ECI2: variants seen among roughly 807,000 people sequenced by gnomAD.
ECI2 encodes enoyl-CoA delta isomerase 2, also known as D3,D2-enoyl-CoA isomerase.
Under a neutral mutation model 38.4 loss-of-function variants are expected in ECI2, and 27 were observed. The ratio of observed to expected loss-of-function variants is 0.70; its 90% CI spans 0.52 to 0.97. The LOEUF is 0.97. Among genes scored for constraint, ECI2 ranks in the 50% least tolerant of loss-of-function variants. The pLI is 0.00. For missense variants in ECI2, 470 were observed against 474.4 expected (o/e 0.99, Z 0.09); for synonymous variants, 168 against 172.0 (o/e 0.98, Z 0.18).
Position 4,130,546 on chromosome 6 carries a change from CT to C in ECI2, c.326del (p.Gln109ArgfsTer10). On this transcript the variant is annotated frameshift_variant, in exon 4 of 10. Coordinates refer to ENST00000380118, the MANE Select transcript of ECI2 (RefSeq NM_206836.3). LOFTEE classifies it high-confidence loss of function. ...LGSLPKEAARQNYVDLVSSLS... is the reference protein window; with the variant it reads ...LGSLPKEAARXNYVDLVSSLS... The stretch of plus-strand genomic sequence containing the variant: ...AACTGGACACCAAATCCACATAGTT[CT>C]GCCTGGCAGCTTCCTGAACGGACGA... The C allele has an allele frequency of 1.2e-6, 2 of 1,614,224 alleles. No individual in the cohort carries two copies.
chr6:4,127,404 CTTTTTTTTTTTTTTTTT>C (rs71001567), intron 5 of ECI2, among the ~76,000 whole-genome samples: 1 of 75,892 alleles, frequency 1.3e-5, no homozygotes, highest in Non-Finnish European at 2.5e-5. Flanking sequence ...ATCTTAGAGC[CTTTTTTTTTTTTTTTTT>C]TTTTTTTTTT....
intron 4 of ECI2, chr6:4,130,052 A>G: frequency 6.8e-7 from 1 of 1,480,906 alleles, no homozygotes; most frequent in South Asian, 1.1e-5. Flanking sequence ...TTCTGGGAGC[A>G]GTCTACACCA....
chr6:4,131,047 G>GA (rs1208033598), intron 2 of ECI2, 182 bp from the exon 3 acceptor site: 15 of 500,370 alleles, frequency 3.0e-5, no homozygotes, highest in African/African-American at 2.8e-4. Flanking sequence ...TGCACAAACA[G>GA]AAAAAAGACT....
At chr6:4,122,284 A>G (rs1561651678) in intron 7 of ECI2, among the ~76,000 whole-genome samples, 1 of 149,456 alleles carries the variant, frequency 6.7e-6, no homozygotes, top group Non-Finnish European at 1.5e-5. Context: ...GCAGTGGCGC[A>G]ATCTCAACTC....
rs371171449 is a variant in ECI2, at chr6:4,115,917, G to A, written c.1142C>T (p.Thr381Ile). Residue 381 changes from threonine to isoleucine, a missense_variant, in exon 10 of 10, where the codon ACA (threonine) becomes ATA (isoleucine). Physicochemically the swap from Thr to Ile is moderately conservative, Grantham distance 89. Transcript: ENST00000380118. ...GGATAAGAAGTTCACCACAGCATTTGTGCATTCATCTGATAGCCATCTTCC... is the reference window on the plus strand; with the variant it reads ...GGATAAGAAGTTCACCACAGCATTTATGCATTCATCTGATAGCCATCTTCC... ...LQGRWLSDEC[T>I]NAVVNFLSRK... 8 of 1,613,984 alleles carry A rather than the reference G, an allele frequency of 5.0e-6. No individual in the cohort carries two copies. Among genetic ancestry groups the A allele is most frequent in the Non-Finnish European group, 6.8e-6 (8 of 1,180,034 alleles).
chr6:4,128,461 T>C (rs190572152), intron 4 of ECI2, among the ~76,000 whole-genome samples: 1 of 152,218 alleles, frequency 6.6e-6, no homozygotes, highest in Admixed American at 6.5e-5. Flanking sequence ...TTAAAACAGG[T>C]GCAATTTCAA....
rs1582000555 is a variant in ECI2 at position 4,135,565 on chromosome 6, T to C, written c.-5A>G. The C allele has an allele frequency of 7.9e-7, 1 of 1,259,428 alleles. No homozygotes were observed. The highest frequency in any genetic ancestry group is 1.1e-6 in the Non-Finnish European group (1 of 945,618). The allele number at this position is 1,259,428 out of a possible 1,614,324, so 78.0% of individuals were successfully genotyped here. A position where few individuals can be genotyped will look rare whatever the true frequency, so the allele number is the denominator to read the frequency against. On this transcript the variant is annotated 5_prime_UTR_variant, in exon 1 of 10. Transcript: ENST00000380118. ...AGCCAAGTACGCCATCGCCATCCCT[T>C]GGGCGGCTCTAGGGCTGCGGGGGCT...
At chr6:4,135,304 A>C in intron 1 of ECI2, 1 of 1,419,596 alleles carries the variant, frequency 7.0e-7, no homozygotes. Context: ...CGACGCGCCC[A>C]TCCTGACCAC....
intron 7 of ECI2, chr6:4,124,834 T>C (rs923489469): frequency 1.1e-5 from 3 of 278,954 alleles, no homozygotes; most frequent in Admixed American, 4.3e-5. Flanking sequence ...GGAGTGACAG[T>C]AGATAATGCT....
chr6:4,129,206 C>T (rs900018769), intron 4 of ECI2, among the ~76,000 whole-genome samples: 1 of 151,972 alleles, frequency 6.6e-6, no homozygotes. Context: ...TCCACCTCCC[C>T]GGTTCAAAAG....
intron 7 of ECI2, chr6:4,121,823 G>A (rs968022754): frequency 7.7e-6 from 3 of 390,872 alleles, no homozygotes; most frequent in Non-Finnish European, 1.4e-5. Flanking sequence ...CAGACACGCT[G>A]TTGTTTTTAC....
chr6:4,133,407 T>C lies in ECI2; in HGVS notation c.213+142A>G, dbSNP rs573962539. ...AATATAAAAAACTGGCATATATATA[T>C]ATACACACACACACTCTTCAGAGAA... On this transcript the variant is annotated intron_variant, in intron 2 of 9. Coordinates refer to ENST00000380118, the MANE Select transcript of ECI2 (RefSeq NM_206836.3). The C allele has an allele frequency of 2.0e-4, 181 of 909,806 alleles. 1 individual carries two copies. The South Asian group carries it at 2.7e-3, about 14-fold the overall frequency. 56.4% of individuals were successfully genotyped at this position (909,806 alleles called of 1,614,324 possible).
chr6:4,122,397 TTTTAGTAGA>T (rs1772859849), intron 7 of ECI2, among the ~76,000 whole-genome samples: 1 of 152,092 alleles, frequency 6.6e-6, no homozygotes, highest in Non-Finnish European at 1.5e-5. Context: ...ATTTTTGTAT[TTTTAGTAGA>T]GACGGGGCTT....
chr6:4,132,901 A>T (rs1471534292), intron 2 of ECI2, among the ~76,000 whole-genome samples: 1 of 152,100 alleles, frequency 6.6e-6, no homozygotes, highest in Non-Finnish European at 1.5e-5. Context: ...AGTAGCTGGG[A>T]TTACAGGTGT....
chr6:4,130,303 C>T, intron 4 of ECI2, 69 bp downstream of exon 4: 1 of 1,613,742 alleles, frequency 6.2e-7, no homozygotes, highest in Non-Finnish European at 8.5e-7. Flanking sequence ...TGAAACTCTA[C>T]AGCTTTTGTG....
At chr6:4,123,601 TG>T (rs1442776992) in intron 7 of ECI2, among the ~76,000 whole-genome samples, 4 of 151,072 alleles carry the variant, frequency 2.6e-5, no homozygotes, top group Non-Finnish European at 5.9e-5. Context: ...ATATGTATTA[TG>T]TATATATGTT....
Position 4,133,813 on chromosome 6 carries a change from G to T in ECI2, c.51-102C>A, listed in dbSNP as rs143447383. 3.4e-4 allele frequency: 461 copies of T among 1,355,784 alleles called. 3 individuals are homozygous for T. In the East Asian group the frequency reaches 9.9e-3, roughly 29 times the overall value. 84.0% of individuals were successfully genotyped at this position (1,355,784 alleles called of 1,614,324 possible). On this transcript the variant is annotated intron_variant, in intron 1 of 9. Coordinates refer to ENST00000380118, the MANE Select transcript of ECI2 (RefSeq NM_206836.3). The stretch of plus-strand genomic sequence containing the variant: ...CTATACATAACAAAATGCCATGTTT[G>T]TCTATAGATATTTTCTTTATACTTG...
In ECI2 at chr6:4,130,367, A is replaced by G. The variant is rs1581993035; in HGVS notation, c.501+5T>C. The stretch of plus-strand genomic sequence containing the variant: ...AGGACAAACTCCGTGGGCAGGTAAC[A>G]TTACCTCAGTGTTTATGGCATTTTT... On this transcript the variant is annotated splice_donor_5th_base_variant and intron_variant, in intron 4 of 9. Coordinates refer to ENST00000380118, the MANE Select transcript of ECI2 (RefSeq NM_206836.3). 6.2e-7 allele frequency: 1 copy of G among 1,614,188 alleles called. No homozygotes were observed. The highest frequency in any genetic ancestry group is 1.1e-5 in the South Asian group (1 of 91,080).
intron 7 of ECI2, among the ~76,000 whole-genome samples, chr6:4,124,198 T>C (rs1187895527): frequency 6.6e-6 from 1 of 152,176 alleles, no homozygotes; most frequent in Non-Finnish European, 1.5e-5. Context: ...CAGAAACCTC[T>C]ACCTACAAAG....
Sources: gnomAD v4.1 joint callset for allele counts (sites outside exome capture counted in the v4.1 genomes callset) on GRCh38, gnomAD v4.1.1 for gene constraint, MANE v1.5 for transcripts, NCBI Gene and HGNC (gene_info 2026-07-23, HGNC 2026-07-21) for gene names.